The following RNF220 variants were observed in gnomAD, a reference collection of about 807,000 sequenced individuals.
The protein encoded by RNF220 is E3 ubiquitin-protein ligase RNF220.
A neutral mutation model predicts 67.1 loss-of-function variants in RNF220; 7 were observed. The observed-to-expected ratio is 0.10, with a 90% CI of 0.06 to 0.20. The LOEUF (loss-of-function observed/expected upper bound fraction) is 0.20. Ranked by LOEUF, RNF220 falls within the 10% of genes least tolerant of loss-of-function variation. The pLI is 1.00. For missense variants in RNF220, 565 were observed against 740.3 expected, an observed-to-expected ratio of 0.76 and a Z score of 2.75; for synonymous variants, 270 against 283.2, an observed-to-expected ratio of 0.95 and a Z score of 0.47.
intron 2 of RNF220, among the ~76,000 whole-genome samples, chr1:44,544,349 C>T (rs1661943303): frequency 6.6e-6 from 1 of 152,200 alleles, no homozygotes; most frequent in Non-Finnish European, 1.5e-5. Flanking sequence ...CACCCTGTTC[C>T]TCTTGTTCTT....
At chr1:44,644,554 A>G (rs112048708) in intron 8 of RNF220, 144 bp from the exon 9 acceptor site, 2 of 616,278 alleles carry the variant, frequency 3.2e-6, no homozygotes, top group Non-Finnish European at 5.8e-6. Context: ...GGGGCACTGA[A>G]GTATCTGGCT....
intron 2 of RNF220, among the ~76,000 whole-genome samples, chr1:44,519,572 A>C (rs1659739197): frequency 6.6e-6 from 1 of 152,226 alleles, no homozygotes; most frequent in African/African-American, 2.4e-5. Flanking sequence ...AAAGCCCAGC[A>C]GCAAAAGAAA....
At chr1:44,502,052 A>AACAC (rs56978327) in intron 2 of RNF220, among the ~76,000 whole-genome samples, 8,319 of 121,508 alleles carry the variant, frequency 0.068, 314 homozygotes, top group Non-Finnish European at 0.086. Flanking sequence ...ACACCACTGA[A>AACAC]ACACACACAC....
chr1:44,524,260 G>A (rs535490605), intron 2 of RNF220, among the ~76,000 whole-genome samples: 6 of 152,208 alleles, frequency 3.9e-5, no homozygotes, highest in Admixed American at 1.3e-4. Context: ...CGCCGCCACC[G>A]CCTCTGCTGG....
At position 44,645,145 on chromosome 1, in the gene RNF220, A is replaced by G; in HGVS notation, c.1310+64A>G. 2 of 1,611,160 alleles carry G rather than the reference A, an allele frequency of 1.2e-6. No homozygotes were observed. Among genetic ancestry groups the G allele is most frequent in the Non-Finnish European group, 1.7e-6 (2 of 1,177,310 alleles). The stretch of plus-strand genomic sequence containing the variant: ...AACAGGAAGCCCTGAGGCAGGGGTT[A>G]ACGCAGTACTGACCCTCAGGGCTGT... On this transcript the variant is annotated intron_variant, in intron 10 of 14. Coordinates refer to ENST00000361799, the MANE Select transcript of RNF220 (RefSeq NM_018150.4). This position sits in a 1 kb window ranked among gnomAD's most constrained non-coding sequence, Gnocchi z 5.0.
intron 2 of RNF220, among the ~76,000 whole-genome samples, chr1:44,494,442 C>G (rs1410690077): frequency 1.3e-5 from 2 of 151,954 alleles, no homozygotes; most frequent in East Asian, 3.9e-4. Flanking sequence ...AAGTTTGAGA[C>G]AACCTAAATG....
chr1:44,577,588 A>T (rs1664901573), intron 2 of RNF220, among the ~76,000 whole-genome samples: 1 of 152,248 alleles, frequency 6.6e-6, no homozygotes, highest in African/African-American at 2.4e-5. Flanking sequence ...GTTACCAAGG[A>T]GCTTTTGCTT....
intron 2 of RNF220, among the ~76,000 whole-genome samples, chr1:44,607,590 C>T (rs1270242892): frequency 6.6e-6 from 1 of 151,626 alleles, no homozygotes; most frequent in African/African-American, 2.4e-5. Context: ...GGGTTCATGC[C>T]AGTCTCCTTG....
chr1:44,626,416 G>C lies in RNF220; in HGVS notation c.906+18G>C, dbSNP rs774855563. Reference sequence around the variant, plus strand: ...GATACCAGGTGAGGAGGGGTGGTGAGTGGCCATGAGAAGCAAGCTCACCTG... The same window carrying C: ...GATACCAGGTGAGGAGGGGTGGTGACTGGCCATGAGAAGCAAGCTCACCTG... On this transcript the variant is annotated intron_variant, in intron 5 of 14. Coordinates refer to ENST00000361799, the MANE Select transcript of RNF220 (RefSeq NM_018150.4). 1 of 1,598,244 alleles carries C rather than the reference G, an allele frequency of 6.3e-7. No individual in the cohort carries two copies. The highest frequency in any genetic ancestry group is 1.1e-5 in the South Asian group (1 of 90,672).
intron 2 of RNF220, among the ~76,000 whole-genome samples, chr1:44,467,383 G>A (rs750476917): frequency 2.6e-5 from 4 of 152,168 alleles, no homozygotes; most frequent in African/African-American, 9.7e-5. Flanking sequence ...AGCTAATTTT[G>A]TATTTTTAGT....
intron 2 of RNF220, among the ~76,000 whole-genome samples, chr1:44,490,050 C>A (rs1176378944): frequency 6.6e-6 from 1 of 152,086 alleles, no homozygotes; most frequent in Non-Finnish European, 1.5e-5. Flanking sequence ...ACACATAATT[C>A]TATCTTTGAA....
chr1:44,586,237 T>C (rs1665682473), intron 2 of RNF220, among the ~76,000 whole-genome samples: 1 of 152,194 alleles, frequency 6.6e-6, no homozygotes, highest in Non-Finnish European at 1.5e-5. Context: ...CAAATGGACA[T>C]GTCCTTTGGG....
intron 2 of RNF220, among the ~76,000 whole-genome samples, chr1:44,523,486 C>T (rs565922576): frequency 9.2e-5 from 14 of 152,300 alleles, no homozygotes; most frequent in South Asian, 6.2e-4. Context: ...GACTTGGTCC[C>T]GCGCTTCCTG....
At position 44,632,330 on chromosome 1, in the gene RNF220, G is replaced by A. The variant is rs905263061; in HGVS notation, c.907-13G>A. 4 of 1,613,980 alleles carry A rather than the reference G, an allele frequency of 2.5e-6. No individual in the cohort carries two copies. The African/African-American group carries it at 5.3e-5, about 22-fold the overall frequency. On this transcript the variant is annotated splice_polypyrimidine_tract_variant and intron_variant, in intron 5 of 14. Transcript: ENST00000361799. ...CTTTTCTTTTCTTGCATCTGCCCGCGATCTTCTCCCAGACCTTTCTGCGAG... is the reference window on the plus strand; with the variant it reads ...CTTTTCTTTTCTTGCATCTGCCCGCAATCTTCTCCCAGACCTTTCTGCGAG...
At chr1:44,644,938 T>C (rs1327966150) in intron 9 of RNF220, 57 bp from the exon 10 acceptor site, 2 of 1,597,894 alleles carry the variant, frequency 1.3e-6, no homozygotes, top group Non-Finnish European at 1.7e-6. Flanking sequence ...CTCCTGAGGA[T>C]TCAACCCTCA....
At chr1:44,556,063 C>A (rs1228927327) in intron 2 of RNF220, among the ~76,000 whole-genome samples, 1 of 150,532 alleles carries the variant, frequency 6.6e-6, no homozygotes, top group East Asian at 2.0e-4. Flanking sequence ...GAGATGGAGT[C>A]TCTCTGTGTC....
At chr1:44,418,250 A>C (rs929672260) in intron 2 of RNF220, among the ~76,000 whole-genome samples, 1 of 151,916 alleles carries the variant, frequency 6.6e-6, no homozygotes, top group Non-Finnish European at 1.5e-5. Flanking sequence ...TTCTGCCTGG[A>C]GAAGGAGGGA....
rs1424770380 is a variant in RNF220 at position 44,600,607 on chromosome 1, G to A, written c.626-13558G>A. ...AGGCCGAGGTGGATGGATCACCTGA[G>A]GTCAGGAGTTGGAGACCAGCCTGGC... On this transcript the variant is annotated intron_variant, in intron 2 of 14. Transcript: ENST00000361799. The surrounding 1 kb of genome is among the most constrained non-coding windows in gnomAD (Gnocchi z 4.0). Among the ~76,000 whole-genome samples the A allele has an allele frequency of 6.6e-6, 1 of 152,118 alleles. No individual in the cohort carries two copies. Among genetic ancestry groups the A allele is most frequent in the African/African-American group, 2.4e-5 (1 of 41,416 alleles).
intron 8 of RNF220, chr1:44,636,417 C>T (rs879619872): frequency 2.8e-5 from 20 of 719,962 alleles, no homozygotes; most frequent in Admixed American, 2.0e-4. Context: ...CTCTCAGCTT[C>T]GGGTGATGCA....
Sources: allele counts gnomAD v4.1 joint callset (sites outside exome capture counted in the v4.1 genomes callset), GRCh38; gene constraint gnomAD v4.1.1; non-coding constraint Gnocchi (gnomAD v3.1); transcripts MANE v1.5; gene names NCBI Gene and HGNC (gene_info 2026-07-23, HGNC 2026-07-21).